FAM168A: variants seen among roughly 807,000 people sequenced by gnomAD.
FAM168A encodes family with sequence similarity 168 member A, also known as protein FAM168A.
In FAM168A, 3 loss-of-function variants were observed where a neutral mutation model predicts 28.5. The ratio of observed to expected loss-of-function variants is 0.11; its 90% CI spans 0.05 to 0.27. FAM168A has a LOEUF of 0.27. Among genes scored for constraint, FAM168A ranks in the 10% least tolerant of loss-of-function variants. FAM168A has a pLI of 1.00. For missense variants in FAM168A, 222 were observed against 311.5 expected (o/e 0.71, Z 2.16); for synonymous variants, 122 against 124.2 (o/e 0.98, Z 0.12).
intron 1 of FAM168A, among the ~76,000 whole-genome samples, chr11:73,550,051 G>A (rs946884760): frequency 5.9e-5 from 9 of 152,156 alleles, no homozygotes; most frequent in East Asian, 1.9e-4. Context: ...TTATCATATC[G>A]TTTCATACGC....
At chr11:73,478,384 T>C (rs922866451) in intron 1 of FAM168A, among the ~76,000 whole-genome samples, 1 of 152,230 alleles carries the variant, frequency 6.6e-6, no homozygotes, top group Non-Finnish European at 1.5e-5. Flanking sequence ...TATTGCATGA[T>C]TCCATTTATA....
intron 1 of FAM168A, among the ~76,000 whole-genome samples, chr11:73,558,490 AAAG>A: frequency 6.7e-6 from 1 of 150,054 alleles, no homozygotes; most frequent in African/African-American, 2.5e-5. Flanking sequence ...AAAAAAAAAA[AAAG>A]TGGAAAGACA....
intron 2 of FAM168A, among the ~76,000 whole-genome samples, chr11:73,465,964 G>GGAGA (rs3073508): frequency 0.083 from 12,361 of 149,390 alleles, 613 homozygotes; most frequent in Non-Finnish European, 0.11. Flanking sequence ...GCTTTAAAAG[G>GGAGA]GAGAGAGAGA....
At chr11:73,563,373 A>T (rs1184447994) in intron 1 of FAM168A, among the ~76,000 whole-genome samples, 6 of 152,250 alleles carry the variant, frequency 3.9e-5, no homozygotes, top group Non-Finnish European at 8.8e-5. Context: ...AGGTTTAGAG[A>T]TAATTTATGT....
intron 3 of FAM168A, among the ~76,000 whole-genome samples, chr11:73,427,193 G>A (rs1866902100): frequency 6.6e-6 from 1 of 151,904 alleles, no homozygotes; most frequent in Admixed American, 6.6e-5. Flanking sequence ...GCGTTTCACG[G>A]TGTTAGCCAG....
At chr11:73,545,751 G>C (rs1943742100) in intron 1 of FAM168A, among the ~76,000 whole-genome samples, 2 of 141,402 alleles carry the variant, frequency 1.4e-5, no homozygotes, top group Admixed American at 1.5e-4. Context: ...GTGCAGTGGT[G>C]CGATCACGGC....
At chr11:73,523,669 C>T (rs566912527) in intron 1 of FAM168A, among the ~76,000 whole-genome samples, 4 of 152,164 alleles carry the variant, frequency 2.6e-5, no homozygotes, top group African/African-American at 9.6e-5. Flanking sequence ...TGGTCTCAAA[C>T]TCTTCCTGGA....
intron 1 of FAM168A, among the ~76,000 whole-genome samples, chr11:73,548,741 A>T (rs1371116980): frequency 6.6e-6 from 1 of 152,050 alleles, no homozygotes; most frequent in Non-Finnish European, 1.5e-5. Flanking sequence ...CCTGGGCTCA[A>T]GTGATCCTCC....
At chr11:73,541,517 C>T (rs1409719274) in intron 1 of FAM168A, among the ~76,000 whole-genome samples, 5 of 151,834 alleles carry the variant, frequency 3.3e-5, no homozygotes, top group South Asian at 2.1e-4. Flanking sequence ...GGACTACAGG[C>T]GCCTGCCACC....
intron 1 of FAM168A, among the ~76,000 whole-genome samples, chr11:73,489,171 G>A (rs558148951): frequency 9.2e-5 from 14 of 152,034 alleles, no homozygotes; most frequent in South Asian, 2.1e-4. Flanking sequence ...GTGAGCCACC[G>A]CACCAGGCCC....
chr11:73,426,381 C>T (rs1377408523), intron 3 of FAM168A, among the ~76,000 whole-genome samples: 2 of 152,188 alleles, frequency 1.3e-5, no homozygotes, highest in South Asian at 2.1e-4. Context: ...TTCCCTGCAT[C>T]CTGGACAGAT....
At chr11:73,553,231 C>G (rs537349830) in intron 1 of FAM168A, among the ~76,000 whole-genome samples, 1 of 151,722 alleles carries the variant, frequency 6.6e-6, no homozygotes, top group Admixed American at 6.6e-5. Flanking sequence ...TTTTTTTCAA[C>G]GAGACCTTAA....
At position 73,403,780 on chromosome 11, in the gene FAM168A, C is replaced by A. The variant is rs1264758444; in HGVS notation, c.*2983G>T. 6.6e-6 allele frequency: 1 copy of A among 152,166 alleles called. No individual in the cohort carries two copies. The highest frequency in any genetic ancestry group is 1.5e-5 in the Non-Finnish European group (1 of 68,052). The allele number at this position is 152,166 out of a possible 1,614,324, so 9.4% of individuals were successfully genotyped here. A position where few individuals can be genotyped will look rare whatever the true frequency, so the allele number is the denominator to read the frequency against. On this transcript the variant is annotated 3_prime_UTR_variant, in exon 8 of 8. Transcript: ENST00000356467. ...TCTCCATCACAGCAAGAGGCTGAGGCCGGCTGAACTGGGGCTCATACTGAA... is the reference window on the plus strand; with the variant it reads ...TCTCCATCACAGCAAGAGGCTGAGGACGGCTGAACTGGGGCTCATACTGAA...
At chr11:73,444,508 A>C (rs985922708) in intron 2 of FAM168A, among the ~76,000 whole-genome samples, 1 of 152,230 alleles carries the variant, frequency 6.6e-6, no homozygotes, top group African/African-American at 2.4e-5. Flanking sequence ...GAATACAGGT[A>C]ATTTTTTGTA....
intron 1 of FAM168A, among the ~76,000 whole-genome samples, chr11:73,530,240 T>G (rs1943500152): frequency 6.6e-6 from 1 of 152,198 alleles, no homozygotes; most frequent in South Asian, 2.1e-4. Flanking sequence ...AGAAGTTAAA[T>G]TATTGCCTTA....
intron 1 of FAM168A, among the ~76,000 whole-genome samples, chr11:73,545,013 T>TATA (rs1272015586): frequency 1.0e-4 from 8 of 78,400 alleles, no homozygotes; most frequent in African/African-American, 5.8e-4. Context: ...ATATACTATA[T>TATA]ATATAGTATA....
chr11:73,407,479 C>A (rs1866527156), intron 7 of FAM168A, 34 bp downstream of exon 7: 2 of 1,444,956 alleles, frequency 1.4e-6, no homozygotes, highest in East Asian at 2.6e-5. Flanking sequence ...TGTATGTATC[C>A]CCCTCCCACT....
At chr11:73,407,722 T>C (rs1431675467) in intron 6 of FAM168A, 79 bp from the exon 7 acceptor site, 5 of 1,202,862 alleles carry the variant, frequency 4.2e-6, no homozygotes, top group South Asian at 1.3e-5. Flanking sequence ...CTACAGTCTT[T>C]CACATGGCTG....
chr11:73,445,419 C>CTCTTTTTTT (rs776745757), intron 2 of FAM168A, among the ~76,000 whole-genome samples: 29 of 50,462 alleles, frequency 5.7e-4, no homozygotes, highest in African/African-American at 1.9e-3. Flanking sequence ...AAAAATGTCT[C>CTCTTTTTTT]TTTTTTTTTT....
Sources: gnomAD v4.1 joint callset for allele counts (sites outside exome capture counted in the v4.1 genomes callset) on GRCh38, gnomAD v4.1.1 for gene constraint, MANE v1.5 for transcripts, NCBI Gene and HGNC (gene_info 2026-07-23, HGNC 2026-07-21) for gene names.